The following PHLPP1 variants were observed in gnomAD, a reference collection of about 807,000 sequenced individuals.
The protein encoded by PHLPP1 is PH domain leucine-rich repeat-containing protein phosphatase 1.
A neutral mutation model predicts 117.2 loss-of-function variants in PHLPP1; 42 were observed. The observed-to-expected ratio is 0.36, with a 90% CI of 0.28 to 0.46. The LOEUF (loss-of-function observed/expected upper bound fraction) is 0.46. Ranked by LOEUF, PHLPP1 falls within the 20% of genes least tolerant of loss-of-function variation. PHLPP1 has a pLI of 1.00. For synonymous variants in PHLPP1, 1,042 were observed against 970.7 expected, an observed-to-expected ratio of 1.07 and a Z score of -1.37; for missense variants, 2,084 against 2,241.9, an observed-to-expected ratio of 0.93 and a Z score of 1.42.
intron 1 of PHLPP1, among the ~76,000 whole-genome samples, chr18:62,795,049 A>G (rs1376213651): frequency 6.6e-6 from 1 of 152,174 alleles, no homozygotes; most frequent in East Asian, 1.9e-4. Flanking sequence ...ATACTGCTTG[A>G]AAACAAGGGT....
chr18:62,823,993 G>A (rs556602359), intron 1 of PHLPP1, among the ~76,000 whole-genome samples: 63 of 152,176 alleles, frequency 4.1e-4, no homozygotes, highest in African/African-American at 1.5e-3. Context: ...TTAGCCAGGC[G>A]TGGTGGCGGT....
At chr18:62,746,165 C>T (rs1049219561) in intron 1 of PHLPP1, among the ~76,000 whole-genome samples, 1 of 152,128 alleles carries the variant, frequency 6.6e-6, no homozygotes, top group African/African-American at 2.4e-5. Context: ...TGCCTCTCAG[C>T]CTCCTGAGTA....
chr18:62,979,833 T>TG lies in PHLPP1; in HGVS notation c.*408dup. Reference sequence around the variant, plus strand: ...ATAATATTGTAATTCTGTATTTCTTTGGGGGGAAAAGGCTTTTGTTTTGTT... The same window carrying TG: ...ATAATATTGTAATTCTGTATTTCTTTGGGGGGGAAAAGGCTTTTGTTTTGTT... On this transcript the variant is annotated 3_prime_UTR_variant, in exon 17 of 17. Coordinates refer to ENST00000262719, the MANE Select transcript of PHLPP1 (RefSeq NM_194449.4). 6.1e-6 allele frequency: 1 copy of TG among 164,958 alleles called. No individual in the cohort carries two copies. Among genetic ancestry groups the TG allele is most frequent in the Non-Finnish European group, 1.3e-5 (1 of 77,016 alleles). 10.2% of individuals were successfully genotyped at this position (164,958 alleles called of 1,614,324 possible). A position where few individuals can be genotyped will look rare whatever the true frequency, so the allele number is the denominator to read the frequency against.
At chr18:62,842,088 C>G (rs531921940) in intron 3 of PHLPP1, among the ~76,000 whole-genome samples, 1 of 152,130 alleles carries the variant, frequency 6.6e-6, no homozygotes. Context: ...TAGATTTATA[C>G]TGGCACATAG....
At chr18:62,937,622 G>C (rs188795315) in intron 10 of PHLPP1, among the ~76,000 whole-genome samples, 349 of 152,294 alleles carry the variant, frequency 2.3e-3, no homozygotes, top group Non-Finnish European at 3.5e-3. Context: ...TTACTATTGA[G>C]CCATTGCCAA....
chr18:62,742,686 G>A (rs545082078), intron 1 of PHLPP1, among the ~76,000 whole-genome samples: 149 of 152,224 alleles, frequency 9.8e-4, no homozygotes, highest in Non-Finnish European at 1.7e-3. Context: ...CACCTGGCTC[G>A]GCCTCCCAAA....
rs909889791 is a variant in PHLPP1 at position 62,978,155 on chromosome 18, T to A, written c.3985-107T>A. 11 of 642,780 alleles carry A rather than the reference T, an allele frequency of 1.7e-5. No individual in the cohort carries two copies. The African/African-American group carries it at 1.8e-4, about 11-fold the overall frequency. The allele number at this position is 642,780 out of a possible 1,614,324, so 39.8% of individuals were successfully genotyped here. On this transcript the variant is annotated intron_variant, in intron 16 of 16. Coordinates refer to ENST00000262719, the MANE Select transcript of PHLPP1 (RefSeq NM_194449.4). The surrounding 1 kb of genome is among the most constrained non-coding windows in gnomAD (Gnocchi z 7.0). ...TTTCCTCTGTGGGCCACACAGCACT[T>A]CTCTGTGGTCCTACAGTCGAGACAG...
chr18:62,812,431 T>G (rs1471189386), intron 1 of PHLPP1, among the ~76,000 whole-genome samples: 1 of 152,170 alleles, frequency 6.6e-6, no homozygotes, highest in African/African-American at 2.4e-5. Context: ...TTTGACACAG[T>G]CATAGTTCTT....
At chr18:62,776,911 T>C (rs1214735490) in intron 1 of PHLPP1, among the ~76,000 whole-genome samples, 1 of 152,232 alleles carries the variant, frequency 6.6e-6, no homozygotes, top group Non-Finnish European at 1.5e-5. Context: ...CCCAGCCTGC[T>C]GACTGGTATT....
intron 4 of PHLPP1, among the ~76,000 whole-genome samples, chr18:62,892,082 C>CTTTCTTTTTTTTTTTTTTTT (rs1916435382): frequency 9.3e-6 from 1 of 107,968 alleles, no homozygotes; most frequent in African/African-American, 4.0e-5. Context: ...TTCTTTCTTT[C>CTTTCTTTTTTTTTTTTTTTT]TTTTTTTTTT....
chr18:62,739,405 CATG>C (rs2122071420), intron 1 of PHLPP1, among the ~76,000 whole-genome samples: 1 of 152,176 alleles, frequency 6.6e-6, no homozygotes, highest in South Asian at 2.1e-4. Flanking sequence ...TGGGAAGGGA[CATG>C]AGGAGCCGTC....
At chr18:62,725,880 T>C (rs1197099252) in intron 1 of PHLPP1, among the ~76,000 whole-genome samples, 1 of 152,162 alleles carries the variant, frequency 6.6e-6, no homozygotes, top group Non-Finnish European at 1.5e-5. Context: ...AAAGGAACTT[T>C]TAAAAAAATG....
intron 1 of PHLPP1, among the ~76,000 whole-genome samples, chr18:62,794,539 T>C (rs1913566063): frequency 6.6e-6 from 1 of 152,128 alleles, no homozygotes; most frequent in South Asian, 2.1e-4. Context: ...AGCTAAGTTT[T>C]GATTTTTTTT....
chr18:62,915,384 C>T (rs1487431024), intron 9 of PHLPP1, among the ~76,000 whole-genome samples: 2 of 152,146 alleles, frequency 1.3e-5, no homozygotes, highest in Non-Finnish European at 2.9e-5. Flanking sequence ...CCATAAATAC[C>T]TTTTGTTCTC....
At chr18:62,818,841 T>C (rs1914365037) in intron 1 of PHLPP1, among the ~76,000 whole-genome samples, 1 of 152,260 alleles carries the variant, frequency 6.6e-6, no homozygotes, top group African/African-American at 2.4e-5. Flanking sequence ...GTTAACAACC[T>C]CCTCTTTGCC....
intron 12 of PHLPP1, among the ~76,000 whole-genome samples, chr18:62,946,690 A>C (rs1399949815): frequency 6.6e-6 from 1 of 152,174 alleles, no homozygotes; most frequent in African/African-American, 2.4e-5. Flanking sequence ...AAGCCACAAA[A>C]TGTTTTACTT....
rs1911166177 is a variant in PHLPP1 at position 62,975,591 on chromosome 18, A to C, written c.3950A>C (p.Lys1317Thr). Residue 1317 changes from lysine (K) to threonine (T), a missense_variant, in exon 16 of 17, where the codon AAG becomes ACG. This residue lies in a region of PHLPP1 where 1,365 missense variants were observed against 1,605.9 expected (regional missense o/e 0.85). Coordinates refer to ENST00000262719, the MANE Select transcript of PHLPP1 (RefSeq NM_194449.4). ...ATCATGAGCTGTGAAGAAGAGCTGA[A>C]GAGGATTAAACAGCACAAGGCCATT... ...SYIMSCEEEL[K>T]RIKQHKAIIT... The C allele has an allele frequency of 6.2e-7, 1 of 1,613,670 alleles. No homozygotes were observed. Among genetic ancestry groups the C allele is most frequent in the Non-Finnish European group, 8.5e-7 (1 of 1,179,550 alleles).
In PHLPP1 at chr18:62,945,241, T is replaced by G. The variant is rs776985958; in HGVS notation, c.3294T>G (p.Phe1098Leu). 1 of 1,606,938 alleles carries G rather than the reference T, an allele frequency of 6.2e-7. No individual in the cohort carries two copies. The highest frequency in any genetic ancestry group is 8.5e-7 in the Non-Finnish European group (1 of 1,177,796). ...VIAHSNCIEVFPEVMQLPEIK... is the reference protein window; with the variant it reads ...VIAHSNCIEVLPEVMQLPEIK... ...CTCACTCCAACTGCATCGAGGTCTT[T>G]CCCGAAGTTATGCAGCTCCCAGAGA... The change falls in exon 12 of 17, where the codon TTT becomes TTG. Residue 1098 changes from phenylalanine (F) to leucine (L), a missense_variant. By Grantham distance (22) the Phe-to-Leu change is conservative. Around this residue, in one of 2 missense-constraint regions of PHLPP1, gnomAD observed 1,365 missense variants for 1,605.9 expected, o/e 0.85. Transcript: ENST00000262719.
chr18:62,856,788 T>G (rs1021683559), intron 3 of PHLPP1, among the ~76,000 whole-genome samples: 5 of 152,176 alleles, frequency 3.3e-5, no homozygotes, highest in African/African-American at 4.8e-5. Context: ...CCTGGCAGCA[T>G]CTTCTTCCAG....
Sources: gnomAD v4.1 joint callset for allele counts (sites outside exome capture counted in the v4.1 genomes callset) on GRCh38, gnomAD v4.1.1 for gene constraint, gnomAD v4.1.1 regional missense constraint, Gnocchi (gnomAD v3.1) non-coding constraint, MANE v1.5 for transcripts, NCBI Gene and HGNC (gene_info 2026-07-23, HGNC 2026-07-21) for gene names.